The following ALG9 variants were observed in gnomAD, a reference collection of about 807,000 sequenced individuals.
ALG9 encodes the protein ALG9 alpha-1,2-mannosyltransferase.
Under a neutral mutation model 81.8 loss-of-function variants are expected in ALG9, and 55 were observed. The observed-to-expected ratio is 0.67, with a 90% CI of 0.54 to 0.84. The LOEUF (loss-of-function observed/expected upper bound fraction) is 0.84, where lower values mean the gene tolerates loss of function less well. Ranked by LOEUF, ALG9 falls within the 40% of genes least tolerant of loss-of-function variation. ALG9 has a pLI of 0.00. For missense variants in ALG9, 629 were observed against 745.0 expected (o/e 0.84, Z 1.81); for synonymous variants, 278 against 274.3 (o/e 1.01, Z -0.13).
chr11:111,780,626 ACCT>A (rs1295821359), downstream of ALG9, among the ~76,000 whole-genome samples: 1 of 151,862 alleles, frequency 6.6e-6, no homozygotes, highest in Non-Finnish European at 1.5e-5. Flanking sequence ...CGAACTCTTG[ACCT>A]CAAGTGATCT....
intron 13 of ALG9, among the ~76,000 whole-genome samples, chr11:111,820,883 C>T (rs1952222279): frequency 6.6e-6 from 1 of 151,410 alleles, no homozygotes; most frequent in Non-Finnish European, 1.5e-5. Flanking sequence ...CAAGACCAGC[C>T]TGGGAACATA....
At chr11:111,869,418 T>C (rs1963557414) in intron 2 of ALG9, among the ~76,000 whole-genome samples, 1 of 152,182 alleles carries the variant, frequency 6.6e-6, no homozygotes, top group Admixed American at 6.5e-5. Flanking sequence ...GTATACTATT[T>C]AGTAACACTA....
At chr11:111,820,878 C>T (rs1004372271) in intron 13 of ALG9, among the ~76,000 whole-genome samples, 2 of 150,996 alleles carry the variant, frequency 1.3e-5, no homozygotes, top group African/African-American at 4.9e-5. Flanking sequence ...GGGTTCAAGA[C>T]CAGCCTGGGA....
At chr11:111,850,706 C>CAAAAAAAAAAAAAAAAAAAAAAAAAA (rs782114013) in intron 8 of ALG9, among the ~76,000 whole-genome samples, 30 of 66,660 alleles carry the variant, frequency 4.5e-4, no homozygotes, top group East Asian at 1.9e-3. Context: ...GATACTGTCT[C>CAAAAAAAAAAAAAAAAAAAAAAAAAA]AAAAAAAAAA....
At chr11:111,847,254 T>C (rs1217972058) in intron 8 of ALG9, among the ~76,000 whole-genome samples, 1 of 152,046 alleles carries the variant, frequency 6.6e-6, no homozygotes, top group Non-Finnish European at 1.5e-5. Context: ...TAAGCAGGAC[T>C]GATAAGACCC....
chr11:111,826,535 C>T (rs574124688), intron 13 of ALG9, among the ~76,000 whole-genome samples: 6 of 151,914 alleles, frequency 3.9e-5, no homozygotes. Flanking sequence ...TTATTTTTTT[C>T]AGACAGAGTC....
intron 13 of ALG9, among the ~76,000 whole-genome samples, chr11:111,835,458 G>A (rs1359721548): frequency 6.6e-6 from 1 of 152,168 alleles, no homozygotes; most frequent in East Asian, 1.9e-4. Flanking sequence ...CTGGCATTCA[G>A]TATGGAAACA....
intron 13 of ALG9, among the ~76,000 whole-genome samples, chr11:111,813,073 T>TG (rs1555093211): frequency 6.6e-6 from 1 of 152,156 alleles, no homozygotes; most frequent in Non-Finnish European, 1.5e-5. Context: ...CCAGCTGGTG[T>TG]AGACAACTGG....
the ALG9 span, among the ~76,000 whole-genome samples, chr11:111,773,756 T>C: frequency 1.3e-4 from 12 of 92,986 alleles, no homozygotes; most frequent in South Asian, 3.9e-3. Context: ...CTTTTGTTTT[T>C]GCTTTTTTTT....
At chr11:111,790,614 G>A (rs1565589217) in intron 14 of ALG9, among the ~76,000 whole-genome samples, 2 of 152,276 alleles carry the variant, frequency 1.3e-5, no homozygotes, top group East Asian at 1.9e-4. Context: ...CAGAAGATTT[G>A]CATCTAGACT....
intron 14 of ALG9, among the ~76,000 whole-genome samples, chr11:111,794,828 C>T (rs1315839152): frequency 6.6e-6 from 1 of 152,188 alleles, no homozygotes; most frequent in Non-Finnish European, 1.5e-5. Context: ...TTTTCTACAA[C>T]CTTTAGTGCA....
In ALG9 at chr11:111,837,674, A is replaced by ATTATAC. The variant is rs1955545195; in HGVS notation, c.1325-65_1325-60dup. On this transcript the variant is annotated intron_variant, in intron 11 of 14. Transcript: ENST00000616540. ...TGAGTAAGATGAGATTCTCACTTTA[A>ATTATAC]TTATACTGCTCATTAATGTCGCACT... is the stretch of plus-strand genomic sequence containing the variant. The ATTATAC allele has an allele frequency of 1.9e-6, 3 of 1,568,940 alleles. No individual in the cohort carries two copies. The East Asian group carries it at 6.8e-5, about 35-fold the overall frequency.
Position 111,792,098 on chromosome 11 carries a change from C to T in ALG9, c.1734-5578G>A, listed in dbSNP as rs929909782. 2.6e-5 allele frequency among the ~76,000 whole-genome samples: 4 copies of T among 152,290 alleles called. No homozygotes were observed. In the South Asian group the frequency reaches 8.3e-4, roughly 32 times the overall value. ...ACTCCGTCTCAGGAAGAAAAAAAAACCTCCTTTGAGAGGTCTTCCAACAAT... is the reference window on the plus strand; with the variant it reads ...ACTCCGTCTCAGGAAGAAAAAAAAATCTCCTTTGAGAGGTCTTCCAACAAT... On this transcript the variant is annotated intron_variant, in intron 14 of 14. Coordinates refer to ENST00000616540, the MANE Select transcript of ALG9 (RefSeq NM_024740.2).
At position 111,789,653 on chromosome 11, in the gene ALG9, T is replaced by C. The variant is rs376512207; in HGVS notation, c.1734-3133A>G. On this transcript the variant is annotated intron_variant, in intron 14 of 14. Transcript: ENST00000616540. ...TTCAAGACCAGCCTGGCCAAGATGGTGAAACCCCGTCTCTACTAAAAGTAC... is the reference window on the plus strand; with the variant it reads ...TTCAAGACCAGCCTGGCCAAGATGGCGAAACCCCGTCTCTACTAAAAGTAC... Among the ~76,000 whole-genome samples the C allele has an allele frequency of 1.6e-4, 24 of 151,430 alleles. No individual in the cohort carries two copies. The East Asian group carries it at 1.6e-3, about 10-fold the overall frequency.
At chr11:111,815,695 C>G (rs1394213903) in intron 13 of ALG9, among the ~76,000 whole-genome samples, 1 of 152,134 alleles carries the variant, frequency 6.6e-6, no homozygotes, top group Non-Finnish European at 1.5e-5. Context: ...TTTCTTATAC[C>G]TCATTTTCTT....
At chr11:111,803,619 T>C (rs1301306870) in intron 14 of ALG9, among the ~76,000 whole-genome samples, 3 of 151,468 alleles carry the variant, frequency 2.0e-5, no homozygotes, top group Non-Finnish European at 2.9e-5. Context: ...GACAAATAGG[T>C]CAGTGAAACA....
At chr11:111,866,471 C>G (rs1263550480) in intron 3 of ALG9, among the ~76,000 whole-genome samples, 3 of 152,044 alleles carry the variant, frequency 2.0e-5, no homozygotes, top group Non-Finnish European at 4.4e-5. Flanking sequence ...CCCTGTCTCT[C>G]AGAAACAACC....
chr11:111,809,428 G>A (rs1157190165), intron 14 of ALG9, among the ~76,000 whole-genome samples: 3 of 152,068 alleles, frequency 2.0e-5, no homozygotes, highest in Non-Finnish European at 4.4e-5. Flanking sequence ...TACTTGGGAG[G>A]CTGAGGCAGA....
chr11:111,781,814 T>C (rs782702919), downstream of ALG9, among the ~76,000 whole-genome samples: 4 of 152,048 alleles, frequency 2.6e-5, no homozygotes, highest in Non-Finnish European at 5.9e-5. Flanking sequence ...CGCCCAGCTA[T>C]TTTGTATTTT....
Sources: allele counts gnomAD v4.1 joint callset (sites outside exome capture counted in the v4.1 genomes callset), GRCh38; gene constraint gnomAD v4.1.1; transcripts MANE v1.5; gene names NCBI Gene and HGNC (gene_info 2026-07-23, HGNC 2026-07-21).